TRIM2: variants seen among roughly 807,000 people sequenced by gnomAD.
TRIM2 encodes tripartite motif containing 2, also known as tripartite motif-containing protein 2.
A neutral mutation model predicts 75.2 loss-of-function variants in TRIM2; 20 were observed. That is an observed-to-expected ratio of 0.27 (90% CI 0.19 to 0.39). The LOEUF is 0.39. TRIM2 is among the 10% of genes least tolerant of loss of function. The pLI is 1.00. For missense variants in TRIM2, 660 were observed against 990.8 expected, an observed-to-expected ratio of 0.67 and a Z score of 4.48; for synonymous variants, 373 against 388.3, an observed-to-expected ratio of 0.96 and a Z score of 0.46.
chr4:153,240,129 T>C (rs1360240655), intron 1 of TRIM2, among the ~76,000 whole-genome samples: 2 of 152,080 alleles, frequency 1.3e-5, no homozygotes, highest in Admixed American at 1.3e-4. Flanking sequence ...CCACCACGCC[T>C]GGCCAGCATC....
chr4:153,335,403 G>A lies in TRIM2; in HGVS notation c.*437G>A, dbSNP rs1344011353. 21 of 985,846 alleles carry A rather than the reference G, an allele frequency of 2.1e-5. No individual in the cohort carries two copies. The highest frequency in any genetic ancestry group is 4.7e-5 in the South Asian group (1 of 21,298). 61.1% of individuals were successfully genotyped at this position (985,846 alleles called of 1,614,324 possible). On this transcript the variant is annotated 3_prime_UTR_variant, in exon 12 of 12. Coordinates refer to ENST00000338700, the MANE Select transcript of TRIM2 (RefSeq NM_015271.5). ...CATTTAACCTAGGTCACAAGACCCA[G>A]GGAATCTTCTAACCTCACTTTTACA...
chr4:153,207,083 C>T (rs192341139), intron 1 of TRIM2, among the ~76,000 whole-genome samples: 2 of 152,238 alleles, frequency 1.3e-5, no homozygotes, highest in Admixed American at 6.5e-5. Flanking sequence ...AACTATGTGC[C>T]AGGAAGCAGA....
intron 1 of TRIM2, among the ~76,000 whole-genome samples, chr4:153,216,758 C>T (rs1387342612): frequency 6.6e-6 from 1 of 152,096 alleles, no homozygotes. Context: ...AAGGTGGTGC[C>T]GTGAGCGTCT....
intron 1 of TRIM2, among the ~76,000 whole-genome samples, chr4:153,221,044 G>T (rs1739820362): frequency 1.3e-5 from 2 of 152,192 alleles, no homozygotes; most frequent in Non-Finnish European, 2.9e-5. Flanking sequence ...GCATTCAAAT[G>T]TTCATAGCAG....
chr4:153,244,299 TCCTCCTCCTCCTCCTCC>T (rs1747868693), intron 1 of TRIM2, among the ~76,000 whole-genome samples: 1 of 39,082 alleles, frequency 2.6e-5, no homozygotes, highest in Non-Finnish European at 4.2e-5. Context: ...CTCCTCCTCC[TCCTCCTCCTCCTCCTCC>T]TCCTCTTCTT....
At position 153,178,737 on chromosome 4, in the gene TRIM2, G is replaced by A. The variant is rs1391767993; in HGVS notation, c.-49+25467G>A. Among the ~76,000 whole-genome samples, 6 of 152,170 alleles carry A rather than the reference G, an allele frequency of 3.9e-5. No homozygotes were observed. In the East Asian group the frequency reaches 1.2e-3, roughly 29 times the overall value. On this transcript the variant is annotated intron_variant, in intron 1 of 11. Coordinates refer to the TRIM2 transcript ENST00000437508. ...CTTTAAAGGCTCTGAGAGGCCCTCT[G>A]TTCCTGCAACTTTTCTGTAAGTTTA...
chr4:153,233,647 G>A (rs1316119070), intron 1 of TRIM2, among the ~76,000 whole-genome samples: 2 of 152,172 alleles, frequency 1.3e-5, no homozygotes, highest in Non-Finnish European at 2.9e-5. Context: ...AGAGGAAAGG[G>A]TTGAAGGAGT....
chr4:153,300,951 G>A (rs1409301665), intron 6 of TRIM2, among the ~76,000 whole-genome samples: 1 of 151,770 alleles, frequency 6.6e-6, no homozygotes, highest in Non-Finnish European at 1.5e-5. Context: ...AGCACCTTGG[G>A]AGGTCCAGGT....
At chr4:153,293,464 C>T (rs944332294) in intron 4 of TRIM2, among the ~76,000 whole-genome samples, 12 of 152,194 alleles carry the variant, frequency 7.9e-5, no homozygotes, top group African/African-American at 2.9e-4. Context: ...GAGGAGCCTT[C>T]CTTATCTGCT....
At chr4:153,298,823 T>C (rs963981575) in intron 6 of TRIM2, among the ~76,000 whole-genome samples, 2 of 152,124 alleles carry the variant, frequency 1.3e-5, no homozygotes, top group Admixed American at 1.3e-4. Context: ...AGCCTCTACC[T>C]CCTGGGCTCA....
intron 1 of TRIM2, among the ~76,000 whole-genome samples, chr4:153,198,595 C>T (rs2149674148): frequency 6.6e-6 from 1 of 152,290 alleles, no homozygotes; most frequent in East Asian, 1.9e-4. Context: ...ATGTATTATC[C>T]AAAGGGCCTC....
At chr4:153,244,419 TCTTCTTCTTCTTCTTCTTTTA>T (rs1748388883) in intron 1 of TRIM2, among the ~76,000 whole-genome samples, 1 of 100,554 alleles carries the variant, frequency 9.9e-6, no homozygotes, top group African/African-American at 4.1e-5. Context: ...TTCTTCTTCT[TCTTCTTCTTCTTCTTCTTTTA>T]ATTAGAGAGG....
At chr4:153,262,367 G>C (rs534428904) in intron 1 of TRIM2, among the ~76,000 whole-genome samples, 1 of 152,114 alleles carries the variant, frequency 6.6e-6, no homozygotes, top group Non-Finnish European at 1.5e-5. Flanking sequence ...ATAGGAGGTC[G>C]AAGCTGTCTT....
At chr4:153,331,050 G>A (rs539026771) in intron 11 of TRIM2, among the ~76,000 whole-genome samples, 11 of 152,280 alleles carry the variant, frequency 7.2e-5, no homozygotes, top group South Asian at 2.1e-4. Context: ...GGTCAGGCAC[G>A]GTGGCTCATG....
rs549630838 is a variant in TRIM2 at position 153,335,031 on chromosome 4, C to G, written c.*65C>G. On this transcript the variant is annotated 3_prime_UTR_variant, in exon 12 of 12. Coordinates refer to ENST00000338700, the MANE Select transcript of TRIM2 (RefSeq NM_015271.5). ...ATAAACTGGAATGGATTTCTCAATG[C>G]GGGACCAGATTATGACTAGAGTTTT... is the stretch of plus-strand genomic sequence containing the variant. 1.5e-5 allele frequency: 22 copies of G among 1,444,650 alleles called. No homozygotes were observed. Among genetic ancestry groups the G allele is most frequent in the Non-Finnish European group, 1.9e-5 (21 of 1,082,228 alleles). The allele number at this position is 1,444,650 out of a possible 1,614,324, so 89.5% of individuals were successfully genotyped here.
chr4:153,299,443 G>T (rs1763415555), intron 6 of TRIM2, among the ~76,000 whole-genome samples: 1 of 152,104 alleles, frequency 6.6e-6, no homozygotes, highest in Admixed American at 6.5e-5. Context: ...CACTTAGGTT[G>T]ATTCCATATC....
chr4:153,242,759 A>G (rs1230201949), intron 1 of TRIM2, among the ~76,000 whole-genome samples: 1 of 152,248 alleles, frequency 6.6e-6, no homozygotes, highest in Non-Finnish European at 1.5e-5. Context: ...GCTGGGGCAG[A>G]TGGAGAGCAG....
intron 1 of TRIM2, among the ~76,000 whole-genome samples, chr4:153,190,557 C>T (rs890570524): frequency 5.3e-5 from 8 of 151,880 alleles, no homozygotes; most frequent in East Asian, 3.9e-4. Flanking sequence ...TTATGGGGCC[C>T]GACTCCAGAA....
chr4:153,168,231 A>G (rs1730505410), intron 1 of TRIM2, among the ~76,000 whole-genome samples: 1 of 152,224 alleles, frequency 6.6e-6, no homozygotes, highest in Non-Finnish European at 1.5e-5. Flanking sequence ...ACACACACAA[A>G]TGAGCATATA....
Sources: gnomAD v4.1 joint callset for allele counts (sites outside exome capture counted in the v4.1 genomes callset) on GRCh38, gnomAD v4.1.1 for gene constraint, MANE v1.5 for transcripts, NCBI Gene and HGNC (gene_info 2026-07-23, HGNC 2026-07-21) for gene names.